The following CHN2 variants were observed in gnomAD, a reference collection of about 807,000 sequenced individuals.
CHN2 encodes the protein beta-chimaerin.
In CHN2, 35 loss-of-function variants were observed where a neutral mutation model predicts 56.3. That is an observed-to-expected ratio of 0.62 (90% CI 0.47 to 0.82). The LOEUF is 0.82. Among genes scored for constraint, CHN2 ranks in the 40% least tolerant of loss-of-function variants. The pLI, the probability that CHN2 is intolerant of heterozygous loss-of-function variation, is 0.00. For synonymous variants in CHN2, 210 were observed against 212.8 expected (o/e 0.99, Z 0.12); for missense variants, 491 against 580.5 (o/e 0.85, Z 1.58).
intron 12 of CHN2, among the ~76,000 whole-genome samples, chr7:29,510,155 A>T (rs1791132424): frequency 6.6e-6 from 1 of 152,132 alleles, no homozygotes; most frequent in Non-Finnish European, 1.5e-5. Flanking sequence ...GTTCTCTCTC[A>T]TTGAGTAACA....
chr7:29,280,044 A>G (rs1237357565), intron 1 of CHN2, among the ~76,000 whole-genome samples: 1 of 152,088 alleles, frequency 6.6e-6, no homozygotes, highest in East Asian at 1.9e-4. Flanking sequence ...GACAGAGTTG[A>G]TGGGATGATG....
intron 1 of CHN2, among the ~76,000 whole-genome samples, chr7:29,307,804 G>A (rs1241449369): frequency 1.3e-5 from 2 of 152,122 alleles, no homozygotes; most frequent in Non-Finnish European, 2.9e-5. Context: ...ATCCAATTGG[G>A]GCCATGTGGA....
At chr7:29,337,970 G>A (rs1395232976) in intron 1 of CHN2, among the ~76,000 whole-genome samples, 1 of 152,214 alleles carries the variant, frequency 6.6e-6, no homozygotes, top group Non-Finnish European at 1.5e-5. Flanking sequence ...GAGGCTCCCA[G>A]TCTCAGGAGG....
intron 10 of CHN2, 87 bp from the exon 11 acceptor site, chr7:29,507,141 C>T (rs1204652768): frequency 2.9e-5 from 33 of 1,131,030 alleles, no homozygotes; most frequent in Non-Finnish European, 3.8e-5. Flanking sequence ...GAGCATTCAT[C>T]GCTGGATTTT....
At chr7:29,204,087 G>A (rs1481164428) in intron 1 of CHN2, among the ~76,000 whole-genome samples, 3 of 151,150 alleles carry the variant, frequency 2.0e-5, no homozygotes, top group Non-Finnish European at 3.0e-5. Context: ...GTGTGTGTGT[G>A]TGTGTGTGTG....
intron 6 of CHN2, among the ~76,000 whole-genome samples, chr7:29,462,045 T>A (rs960438031): frequency 1.3e-5 from 2 of 152,230 alleles, no homozygotes; most frequent in Non-Finnish European, 2.9e-5. Context: ...TGGAACAGTG[T>A]TTTTCTCATA....
intron 2 of CHN2, among the ~76,000 whole-genome samples, chr7:29,165,177 T>G (rs143920683): frequency 1.5e-3 from 226 of 152,288 alleles, no homozygotes; most frequent in African/African-American, 5.2e-3. Context: ...AGTTTTTGAT[T>G]TATGGGCATG....
At chr7:29,182,966 G>A (rs954099505) in intron 2 of CHN2, among the ~76,000 whole-genome samples, 2 of 152,068 alleles carry the variant, frequency 1.3e-5, no homozygotes, top group African/African-American at 2.4e-5. Context: ...TCTATTACAG[G>A]AAAGATTCTT....
intron 7 of CHN2, among the ~76,000 whole-genome samples, chr7:29,481,670 T>TC (rs1787254482): frequency 1.3e-5 from 2 of 151,848 alleles, no homozygotes; most frequent in Non-Finnish European, 2.9e-5. Flanking sequence ...TTTTTTTTTT[T>TC]TTTTTACTCT....
chr7:29,372,940 A>G (rs17157827), intron 3 of CHN2, among the ~76,000 whole-genome samples: 2,148 of 152,336 alleles, frequency 0.014, 51 homozygotes, highest in African/African-American at 0.048. Flanking sequence ...TGAAATCGCT[A>G]TAGTGAATAT....
At chr7:29,424,491 G>T (rs1314243930) in intron 6 of CHN2, among the ~76,000 whole-genome samples, 1 of 152,128 alleles carries the variant, frequency 6.6e-6, no homozygotes, top group East Asian at 1.9e-4. Context: ...CCTCCCCCAA[G>T]GGAACATCAG....
chr7:29,366,484 A>G (rs1442002176), intron 2 of CHN2, among the ~76,000 whole-genome samples: 1 of 152,204 alleles, frequency 6.6e-6, no homozygotes, highest in Admixed American at 6.5e-5. Context: ...GTAGGTGCCA[A>G]TTGGTTGATG....
chr7:29,277,072 T>A (rs1325726713), intron 1 of CHN2, among the ~76,000 whole-genome samples: 2 of 152,126 alleles, frequency 1.3e-5, no homozygotes, highest in African/African-American at 4.8e-5. Context: ...TGATCATGCA[T>A]TTAAGGGGAC....
At chr7:29,226,159 G>C (rs1216289208) in intron 1 of CHN2, among the ~76,000 whole-genome samples, 1 of 152,128 alleles carries the variant, frequency 6.6e-6, no homozygotes, top group Non-Finnish European at 1.5e-5. Flanking sequence ...TTTCTCAATT[G>C]ATTGCCTGTA....
At chr7:29,445,174 T>A (rs1441835082) in intron 6 of CHN2, 1 of 455,938 alleles carries the variant, frequency 2.2e-6, no homozygotes, top group Admixed American at 2.3e-5. Flanking sequence ...GTAAGTAGAC[T>A]AGTGTGGAGC....
intron 6 of CHN2, among the ~76,000 whole-genome samples, chr7:29,413,532 A>G (rs1351818212): frequency 1.3e-5 from 2 of 152,256 alleles, no homozygotes; most frequent in African/African-American, 2.4e-5. Flanking sequence ...CATTACATGT[A>G]TTAAGCATAT....
intron 6 of CHN2, among the ~76,000 whole-genome samples, chr7:29,457,226 C>G (rs899291058): frequency 1.3e-5 from 2 of 152,164 alleles, no homozygotes; most frequent in African/African-American, 2.4e-5. Context: ...ACCTCCTCTG[C>G]TGGCCTCAGC....
intron 3 of CHN2, among the ~76,000 whole-genome samples, chr7:29,371,023 A>G (rs1799565822): frequency 1.3e-5 from 2 of 152,228 alleles, no homozygotes; most frequent in South Asian, 4.1e-4. Flanking sequence ...ACAGATAAGC[A>G]TCTACTTTGC....
intron 3 of CHN2, among the ~76,000 whole-genome samples, chr7:29,390,615 T>G (rs942095989): frequency 1.3e-5 from 2 of 152,246 alleles, no homozygotes; most frequent in Non-Finnish European, 2.9e-5. Flanking sequence ...TACTTTTTAT[T>G]TATCAACTAT....
Sources: gnomAD v4.1 joint callset for allele counts (sites outside exome capture counted in the v4.1 genomes callset) on GRCh38, gnomAD v4.1.1 for gene constraint, MANE v1.5 for transcripts, NCBI Gene and HGNC (gene_info 2026-07-23, HGNC 2026-07-21) for gene names.